ADAMTS19: variants seen among roughly 807,000 people sequenced by gnomAD.
ADAMTS19 encodes the protein ADAM metallopeptidase with thrombospondin type 1 motif 19.
In ADAMTS19, 93 loss-of-function variants were observed where a neutral mutation model predicts 153.3. The ratio of observed to expected loss-of-function variants is 0.61; its 90% CI spans 0.51 to 0.72. The LOEUF is 0.72. ADAMTS19 is among the 30% of genes least tolerant of loss of function. The pLI is 0.00. For synonymous variants in ADAMTS19, 600 were observed against 556.6 expected (o/e 1.08, Z -1.10); for missense variants, 1,482 against 1,552.1 (o/e 0.95, Z 0.76).
intron 4 of ADAMTS19, 132 bp from the exon 5 acceptor site, chr5:129,527,616 C>G (rs1168332356): frequency 1.1e-5 from 2 of 174,010 alleles, no homozygotes; most frequent in African/African-American, 5.8e-5. Flanking sequence ...GCTTTACAAG[C>G]TTTTTTTTTT....
intron 7 of ADAMTS19, among the ~76,000 whole-genome samples, chr5:129,567,821 A>T (rs969699969): frequency 6.6e-6 from 1 of 152,104 alleles, no homozygotes; most frequent in African/African-American, 2.4e-5. Flanking sequence ...TAAGAATCTG[A>T]GCAACTCCAC....
intron 8 of ADAMTS19, among the ~76,000 whole-genome samples, chr5:129,619,211 C>T (rs191653963): frequency 9.9e-5 from 15 of 152,098 alleles, no homozygotes; most frequent in East Asian, 1.9e-4. Flanking sequence ...AATTTATAGA[C>T]GCCCAATGTG....
intron 15 of ADAMTS19, among the ~76,000 whole-genome samples, chr5:129,660,470 T>G (rs1233922628): frequency 6.6e-6 from 1 of 151,956 alleles, no homozygotes; most frequent in Non-Finnish European, 1.5e-5. Flanking sequence ...TCTTTCATAT[T>G]TATTTAGTAT....
chr5:129,620,676 T>C lies in ADAMTS19; in HGVS notation c.1537T>C (p.Ser513Pro), dbSNP rs1198222629. Residue 513 changes from serine to proline, a missense_variant, in exon 9 of 23, where the codon TCT becomes CCT. Ser to Pro is a moderately conservative substitution (Grantham distance 74, BLOSUM62 -1). This residue lies in a region of ADAMTS19 where 866 missense variants were observed against 827.7 expected (regional missense o/e 1.05). Coordinates refer to ENST00000274487, the MANE Select transcript of ADAMTS19 (RefSeq NM_133638.6). ...GTGTGCTGATGGTCTTCATATCATG[T>C]CTGGTGAATGGATTAAAGGACAGAA... ...PSCADGLHIM[S>P]GEWIKGQNLG... 1.2e-6 allele frequency: 2 copies of C among 1,613,046 alleles called. No homozygotes were observed. The highest frequency in any genetic ancestry group is 1.7e-6 in the Non-Finnish European group (2 of 1,179,250).
intron 22 of ADAMTS19, 115 bp downstream of exon 22, chr5:129,735,224 G>A (rs1757614912): frequency 3.7e-6 from 4 of 1,074,582 alleles, no homozygotes; most frequent in South Asian, 5.8e-5. Context: ...GATTATTTTG[G>A]TTTGCACTAA....
chr5:129,529,907 A>G (rs980497041), intron 6 of ADAMTS19, among the ~76,000 whole-genome samples: 1 of 152,158 alleles, frequency 6.6e-6, no homozygotes, highest in African/African-American at 2.4e-5. Flanking sequence ...CAAGAGTGGA[A>G]CAATCTTGTG....
intron 7 of ADAMTS19, among the ~76,000 whole-genome samples, chr5:129,578,170 ATACC>A (rs1295847404): frequency 1.3e-5 from 1 of 77,982 alleles, no homozygotes. Context: ...ATACGTACAT[ATACC>A]TATATGCATG....
chr5:129,640,192 C>G (rs1230601180), intron 10 of ADAMTS19, among the ~76,000 whole-genome samples: 1 of 152,070 alleles, frequency 6.6e-6, no homozygotes, highest in Non-Finnish European at 1.5e-5. Context: ...TCTCCATAGA[C>G]TTGAATTTCA....
chr5:129,578,531 G>A (rs1240662107), intron 7 of ADAMTS19, among the ~76,000 whole-genome samples: 5 of 151,758 alleles, frequency 3.3e-5, no homozygotes, highest in African/African-American at 1.2e-4. Context: ...GTGCCAGGGT[G>A]GTTTGCTGCA....
intron 6 of ADAMTS19, among the ~76,000 whole-genome samples, chr5:129,530,098 G>GT (rs1426711795): frequency 6.6e-6 from 1 of 152,090 alleles, no homozygotes; most frequent in African/African-American, 2.4e-5. Flanking sequence ...TAAAACAGCT[G>GT]TAAGCACTCT....
intron 15 of ADAMTS19, among the ~76,000 whole-genome samples, chr5:129,663,654 G>C (rs908800369): frequency 1.3e-5 from 2 of 152,060 alleles, no homozygotes; most frequent in African/African-American, 4.8e-5. Context: ...ACTACTCCTG[G>C]ATTTTACCAT....
At chr5:129,630,216 T>C (rs992435147) in intron 10 of ADAMTS19, among the ~76,000 whole-genome samples, 1 of 152,102 alleles carries the variant, frequency 6.6e-6, no homozygotes. Context: ...ACCGCAATTA[T>C]GTTTGCACCA....
At chr5:129,529,498 A>G (rs1450621896) in intron 6 of ADAMTS19, among the ~76,000 whole-genome samples, 1 of 152,202 alleles carries the variant, frequency 6.6e-6, no homozygotes, top group African/African-American at 2.4e-5. Flanking sequence ...TAAAACTGTT[A>G]CTGAGTTTCT....
chr5:129,624,072 A>G (rs891165196), intron 10 of ADAMTS19, among the ~76,000 whole-genome samples: 1 of 134,196 alleles, frequency 7.5e-6, no homozygotes, highest in Admixed American at 8.5e-5. Context: ...GCTTGCAGTG[A>G]GCCGAGAACG....
At chr5:129,709,943 A>G (rs1010705821) in intron 21 of ADAMTS19, among the ~76,000 whole-genome samples, 2 of 150,788 alleles carry the variant, frequency 1.3e-5, no homozygotes, top group African/African-American at 4.9e-5. Context: ...CTTTGGCCTG[A>G]CCATCTGTCC....
At chr5:129,581,150 G>GT (rs1474959284) in intron 7 of ADAMTS19, among the ~76,000 whole-genome samples, 3 of 152,120 alleles carry the variant, frequency 2.0e-5, no homozygotes, top group African/African-American at 7.2e-5. Flanking sequence ...ACTTCTTCCT[G>GT]GTTTAGTCTT....
At chr5:129,606,143 G>A (rs1427923334) in intron 8 of ADAMTS19, among the ~76,000 whole-genome samples, 1 of 152,126 alleles carries the variant, frequency 6.6e-6, no homozygotes, top group Admixed American at 6.5e-5. Context: ...AATATTTGGG[G>A]CACCTGCTAA....
chr5:129,569,233 G>A (rs1010808204), intron 7 of ADAMTS19, among the ~76,000 whole-genome samples: 73 of 151,998 alleles, frequency 4.8e-4, no homozygotes, highest in African/African-American at 1.7e-3. Context: ...AAATTACCAA[G>A]AATTAAGAGG....
At chr5:129,576,502 T>C (rs902208462) in intron 7 of ADAMTS19, among the ~76,000 whole-genome samples, 1 of 152,154 alleles carries the variant, frequency 6.6e-6, no homozygotes, top group African/African-American at 2.4e-5. Context: ...TTCTCATAAG[T>C]TTCTATTTCA....
Sources: allele counts gnomAD v4.1 joint callset (sites outside exome capture counted in the v4.1 genomes callset), GRCh38; gene constraint gnomAD v4.1.1; regional missense constraint gnomAD v4.1.1; transcripts MANE v1.5; gene names NCBI Gene and HGNC (gene_info 2026-07-23, HGNC 2026-07-21).